The following MYH11 variants were observed in gnomAD, a reference collection of about 807,000 sequenced individuals.
MYH11 encodes myosin-11.
MYH11 carries 80 observed loss-of-function variants against 246.6 expected under a neutral mutation model. The observed-to-expected ratio is 0.32, with a 90% CI of 0.27 to 0.39. MYH11 has a LOEUF of 0.39. Among genes scored for constraint, MYH11 ranks in the 10% least tolerant of loss-of-function variants. MYH11 has a pLI of 1.00. For synonymous variants in MYH11, 1,071 were observed against 1,015.5 expected, an observed-to-expected ratio of 1.05 and a Z score of -1.04; for missense variants, 2,158 against 2,546.8, an observed-to-expected ratio of 0.85 and a Z score of 3.29.
chr16:15,771,738 G>T (rs1233603338), intron 8 of MYH11, 26 bp from the exon 9 acceptor site: 2 of 1,613,690 alleles, frequency 1.2e-6, no homozygotes, highest in Non-Finnish European at 1.7e-6. Context: ...GACAGGTCAG[G>T]GTCAATAAGA....
At chr16:15,777,596 A>G (rs546740523) in intron 7 of MYH11, among the ~76,000 whole-genome samples, 1 of 152,268 alleles carries the variant, frequency 6.6e-6, no homozygotes, top group Admixed American at 6.5e-5. Context: ...GCTGCAGGAC[A>G]AGAGGGCCCT....
At position 15,814,517 on chromosome 16, in the gene MYH11, C is replaced by T. The variant is rs1397577287; in HGVS notation, c.502+8738G>A. 4.0e-5 allele frequency among the ~76,000 whole-genome samples: 5 copies of T among 124,380 alleles called. No homozygotes were observed. The East Asian group carries it at 1.2e-3, about 30-fold the overall frequency. The allele number at this position is 124,380 out of a possible 152,430, so 81.6% of individuals were successfully genotyped here. ...GCAGTGAGCCAAGATCATGCCATTG[C>T]ACTCCAGCCTGGACAACGAGAGTGA... On this transcript the variant is annotated intron_variant, in intron 3 of 40. Coordinates refer to ENST00000300036, the MANE Select transcript of MYH11 (RefSeq NM_002474.3).
At chr16:15,718,022 CA>C (rs1307355578) in intron 37 of MYH11, 32 of 507,542 alleles carry the variant, frequency 6.3e-5, no homozygotes, top group Middle Eastern at 1.1e-3. Flanking sequence ...GGGGAAAACG[CA>C]ATGAAAGAGC....
intron 4 of MYH11, among the ~76,000 whole-genome samples, chr16:15,797,954 C>T (rs1385040742): frequency 3.3e-5 from 5 of 152,020 alleles, no homozygotes; most frequent in East Asian, 1.9e-4. Flanking sequence ...CAAAAATGTC[C>T]CCAGCATAGT....
intron 3 of MYH11, among the ~76,000 whole-genome samples, chr16:15,817,798 C>T (rs1488096141): frequency 6.6e-6 from 1 of 152,098 alleles, no homozygotes; most frequent in East Asian, 1.9e-4. Context: ...CCATTCTCAC[C>T]CCTACATTTA....
rs2041715890 is a variant in MYH11, at chr16:15,756,346, C to T, written c.1744G>A (p.Gly582Arg). 1.2e-6 allele frequency: 2 copies of T among 1,614,062 alleles called. No individual in the cohort carries two copies. Among genetic ancestry groups the T allele is most frequent in the South Asian group, 1.1e-5 (1 of 91,082 alleles). The part of the protein sequence containing the change: ...KTEFSIIHYA[G>R]KVDYNASAWL... ...CTGGGCCCTGTGGCTGGTACCTTCC[C>T]AGCATAATGGATGATGGAGAACTCA... The change falls in exon 14 of 41, where the codon GGG (glycine) becomes AGG (arginine). Residue 582 changes from glycine to arginine, a missense_variant. By Grantham distance (125) the Gly-to-Arg change is moderately radical. Around this residue, in one of 11 missense-constraint regions of MYH11, gnomAD observed 317 missense variants for 507.7 expected, o/e 0.62. Transcript: ENST00000300036.
chr16:15,704,221 T>A, intron 40 of MYH11, 98 bp from the exon 41 acceptor site: 1 of 1,447,370 alleles, frequency 6.9e-7, no homozygotes, highest in Non-Finnish European at 9.4e-7. Flanking sequence ...TATAGTCCTA[T>A]TGCAATATAA....
chr16:15,771,877 C>T lies in MYH11; in HGVS notation c.890-165G>A, dbSNP rs138482163. Among the ~76,000 whole-genome samples the T allele has an allele frequency of 0.023, 3,534 of 152,166 alleles. 70 individuals carry two copies. Among genetic ancestry groups the T allele is most frequent in the South Asian group, 0.072 (347 of 4,814 alleles). ...TCGTCACGTAGACAGCCTCACCAAC[C>T]ACTGCCAGCCTTACACAGCGGTGCA... On this transcript the variant is annotated intron_variant, in intron 8 of 40. Transcript: ENST00000300036.
rs530535158 is a variant in MYH11, at chr16:15,720,234, C to T, written c.4870G>A (p.Gly1624Arg). ...TGAAGCTCCAGGTCTTTCAGGTCCC[C>T]TTCCAGCTTCTTCTTTGCTGCAGCT... ...LAAAAKKKLE[G>R]DLKDLELQAD... Residue 1624 changes from glycine (G) to arginine (R), a missense_variant, in exon 34 of 41, where the codon GGG becomes AGG. Physicochemically the swap from Gly to Arg is moderately radical, Grantham distance 125 (BLOSUM62 -2). This residue lies in a region of MYH11 where 1,013 missense variants were observed against 993.5 expected (regional missense o/e 1.02). Coordinates refer to ENST00000300036, the MANE Select transcript of MYH11 (RefSeq NM_002474.3). 3 of 1,614,160 alleles carry T rather than the reference C, an allele frequency of 1.9e-6. No homozygotes were observed. The highest frequency in any genetic ancestry group is 2.2e-5 in the East Asian group (1 of 44,876).
chr16:15,774,400 T>C (rs1490645548), intron 8 of MYH11, among the ~76,000 whole-genome samples: 1 of 152,184 alleles, frequency 6.6e-6, no homozygotes, highest in Non-Finnish European at 1.5e-5. Flanking sequence ...ACAACCAAAC[T>C]GTTTTCTTGG....
intron 32 of MYH11, 163 bp downstream of exon 32, chr16:15,721,259 T>G: frequency 1.0e-6 from 1 of 976,192 alleles, no homozygotes; most frequent in Non-Finnish European, 1.6e-6. Context: ...CGACTGCCAT[T>G]CTCAGCCCCT....
At chr16:15,779,885 T>C (rs2042306698) in intron 6 of MYH11, among the ~76,000 whole-genome samples, 1 of 152,242 alleles carries the variant, frequency 6.6e-6, no homozygotes, top group Non-Finnish European at 1.5e-5. Flanking sequence ...TCCCCCATCA[T>C]GACATAACAT....
chr16:15,793,726 T>C (rs2042673519), intron 4 of MYH11, among the ~76,000 whole-genome samples: 2 of 146,934 alleles, frequency 1.4e-5, no homozygotes, highest in East Asian at 4.1e-4. Flanking sequence ...TTCACGCCAT[T>C]CTCCTGCCTC....
At chr16:15,744,790 G>A (rs553400576) in intron 20 of MYH11, among the ~76,000 whole-genome samples, 3 of 152,294 alleles carry the variant, frequency 2.0e-5, no homozygotes, top group Non-Finnish European at 4.4e-5. Context: ...GGCGTGAGCC[G>A]CCGCCCCCGG....
chr16:15,788,169 G>T (rs71378205), intron 4 of MYH11, among the ~76,000 whole-genome samples: 3 of 140,986 alleles, frequency 2.1e-5, no homozygotes, highest in Non-Finnish European at 4.5e-5. Flanking sequence ...GCTCCATCCA[G>T]ATACTGCCTC....
chr16:15,719,757 C>T (rs2151204993), intron 34 of MYH11, 44 bp from the exon 35 acceptor site: 1 of 1,613,216 alleles, frequency 6.2e-7, no homozygotes, highest in South Asian at 1.1e-5. Context: ...GTCCTTACTC[C>T]CCCAAGTTCT....
Position 15,719,240 on chromosome 16 carries a change from C to T in MYH11, c.5151G>A (p.Leu1717=), listed in dbSNP as rs2040335943. The T allele has an allele frequency of 1.2e-6, 2 of 1,613,718 alleles. No homozygotes were observed. The highest frequency in any genetic ancestry group is 2.2e-5 in the East Asian group (1 of 44,882). The change falls in exon 36 of 41, where the codon CTG becomes CTA. Residue 1717 remains leucine (L), a synonymous_variant. Coordinates refer to ENST00000300036, the MANE Select transcript of MYH11 (RefSeq NM_002474.3). The stretch of plus-strand genomic sequence containing the variant: ...CCTACCTTCCCGACAGGCTACTGGC[C>T]AGCTCCTCTGCCAGTTCCTCCTTCT... ...DLEKEELAEE[L]ASSLSGRNAL... is the part of the protein sequence containing the mutation.
chr16:15,817,524 G>A (rs1427103202), intron 3 of MYH11, among the ~76,000 whole-genome samples: 1 of 151,974 alleles, frequency 6.6e-6, no homozygotes, highest in African/African-American at 2.4e-5. Context: ...AAAAAAGGGG[G>A]GGAGAATTTA....
At chr16:15,853,832 G>A (rs954459161) in intron 1 of MYH11, among the ~76,000 whole-genome samples, 2 of 152,098 alleles carry the variant, frequency 1.3e-5, no homozygotes, top group Non-Finnish European at 2.9e-5. Flanking sequence ...AGACCAGCCT[G>A]GCCAATATGG....
Sources: allele counts gnomAD v4.1 joint callset (sites outside exome capture counted in the v4.1 genomes callset), GRCh38; gene constraint gnomAD v4.1.1; regional missense constraint gnomAD v4.1.1; transcripts MANE v1.5; gene names NCBI Gene and HGNC (gene_info 2026-07-23, HGNC 2026-07-21).